Variants in UTS2B observed in about 807,000 individuals in gnomAD.
The protein encoded by UTS2B is urotensin 2B, also known as urotensin-2B.
UTS2B carries 21 observed loss-of-function variants against 19.2 expected under a neutral mutation model. The ratio of observed to expected loss-of-function variants is 1.09; its 90% CI spans 0.78 to 1.58. The LOEUF (loss-of-function observed/expected upper bound fraction) is 1.58. UTS2B is among the 40% of genes most tolerant of loss of function. The pLI is 0.00. For missense variants in UTS2B, 138 were observed against 130.3 expected, an observed-to-expected ratio of 1.06 and a Z score of -0.29; for synonymous variants, 57 against 50.2, an observed-to-expected ratio of 1.14 and a Z score of -0.58.
chr3:191,296,447 T>C (rs1716860583), intron 4 of UTS2B, among the ~76,000 whole-genome samples: 1 of 152,208 alleles, frequency 6.6e-6, no homozygotes, highest in Admixed American at 6.5e-5. Flanking sequence ...AATTACTCTA[T>C]GTTTTTGTAC....
chr3:191,323,975 T>C (rs184160301), intron 2 of UTS2B, among the ~76,000 whole-genome samples: 3 of 152,298 alleles, frequency 2.0e-5, no homozygotes, highest in Admixed American at 2.0e-4. Flanking sequence ...GGCTTGAATG[T>C]TGTGCCTTCC....
At chr3:191,281,649 T>A (rs1298538049) in intron 5 of UTS2B, among the ~76,000 whole-genome samples, 1 of 54,926 alleles carries the variant, frequency 1.8e-5, no homozygotes, top group Non-Finnish European at 5.9e-5. Flanking sequence ...TATCTTGATG[T>A]ATTTTTCATT....
chr3:191,299,290 A>T (rs1716932739), intron 4 of UTS2B, among the ~76,000 whole-genome samples: 1 of 152,204 alleles, frequency 6.6e-6, no homozygotes, highest in African/African-American at 2.4e-5. Context: ...CATTACAGAG[A>T]CCTTTAGGGG....
chr3:191,308,103 G>A (rs948357776), intron 3 of UTS2B, among the ~76,000 whole-genome samples: 2 of 152,094 alleles, frequency 1.3e-5, no homozygotes, highest in Non-Finnish European at 2.9e-5. Flanking sequence ...CAAAGTGCTG[G>A]GATTACAGGC....
intron 1 of UTS2B, chr3:191,329,576 G>T: frequency 1.6e-6 from 2 of 1,279,844 alleles, no homozygotes; most frequent in Non-Finnish European, 2.2e-6. Flanking sequence ...GCCGGACTTT[G>T]CGCCGCGTCC....
chr3:191,333,481 A>C (rs553380903), upstream of UTS2B, among the ~76,000 whole-genome samples: 6 of 152,224 alleles, frequency 3.9e-5, no homozygotes, highest in Non-Finnish European at 7.4e-5. Flanking sequence ...TGAGATGTAC[A>C]TATATCTGGC....
intron 2 of UTS2B, among the ~76,000 whole-genome samples, chr3:191,317,523 G>C (rs1470610231): frequency 6.6e-6 from 1 of 152,232 alleles, no homozygotes; most frequent in East Asian, 1.9e-4. Context: ...CGCTGAGAGC[G>C]AGCGACGGCT....
At chr3:191,302,305 G>A (rs900057278) in intron 4 of UTS2B, among the ~76,000 whole-genome samples, 1 of 152,124 alleles carries the variant, frequency 6.6e-6, no homozygotes, top group African/African-American at 2.4e-5. Flanking sequence ...GAAACCCTCA[G>A]TTCCTCTAAT....
intron 1 of UTS2B, among the ~76,000 whole-genome samples, chr3:191,329,954 G>GA (rs1457908639): frequency 2.7e-4 from 38 of 138,334 alleles, no homozygotes; most frequent in East Asian, 1.4e-3. Flanking sequence ...GGGGGGGGGG[G>GA]GGCTAGCAGC....
intron 4 of UTS2B, among the ~76,000 whole-genome samples, chr3:191,301,611 C>T (rs768744090): frequency 7.9e-5 from 12 of 151,654 alleles, no homozygotes; most frequent in South Asian, 2.1e-4. Flanking sequence ...CTCAACCTCC[C>T]GAGTAGCTGG....
At chr3:191,345,103 A>T in the UTS2B span, among the ~76,000 whole-genome samples, 1 of 152,208 alleles carries the variant, frequency 6.6e-6, no homozygotes, top group Non-Finnish European at 1.5e-5. Flanking sequence ...AGGTTATGGG[A>T]TGTTTCTTGA....
chr3:191,334,236 G>C (rs1048575595), upstream of UTS2B, among the ~76,000 whole-genome samples: 6 of 152,086 alleles, frequency 3.9e-5, no homozygotes, highest in Admixed American at 3.9e-4. Flanking sequence ...AGAATGCATG[G>C]AGTTGTTGAA....
At chr3:191,294,251 C>A (rs1226395063) in intron 4 of UTS2B, among the ~76,000 whole-genome samples, 2 of 151,950 alleles carry the variant, frequency 1.3e-5, no homozygotes, top group African/African-American at 2.4e-5. Flanking sequence ...TATTTAGAAT[C>A]ATTACCTAAG....
Position 191,285,201 on chromosome 3 carries a change from A to C in UTS2B, c.-124-2888T>G, listed in dbSNP as rs143775396. Among the ~76,000 whole-genome samples, 27 of 148,172 alleles carry C rather than the reference A, an allele frequency of 1.8e-4. No homozygotes were observed. In the East Asian group the frequency reaches 4.8e-3, roughly 26 times the overall value. ...GTAAATTGTGACATCAAAAACATAA[A>C]ATATGAGGAGGTTAAGTAAAAGTGT... On this transcript the variant is annotated intron_variant, in intron 4 of 8. Coordinates refer to ENST00000340524, the MANE Select transcript of UTS2B (RefSeq NM_198152.5).
chr3:191,312,433 TG>T (rs1717329597), intron 3 of UTS2B, among the ~76,000 whole-genome samples: 2 of 152,188 alleles, frequency 1.3e-5, no homozygotes, highest in Admixed American at 6.5e-5. Context: ...CTGATTCTGC[TG>T]GCCGTGACAG....
rs1322985188 is a variant in UTS2B at position 191,329,821 on chromosome 3, C to G, written c.-665+593G>C. Reference sequence around the variant, plus strand: ...TTGCCATTTCGGCTCCCGCGGCCCTCGCCCGGTGCCCGCCCTGCGTTGGCC... The same window carrying G: ...TTGCCATTTCGGCTCCCGCGGCCCTGGCCCGGTGCCCGCCCTGCGTTGGCC... On this transcript the variant is annotated intron_variant, in intron 1 of 8. Transcript: ENST00000340524. 1.4e-5 allele frequency: 18 copies of G among 1,264,566 alleles called. No individual in the cohort carries two copies. The East Asian group carries it at 4.3e-4, about 30-fold the overall frequency. 78.3% of individuals were successfully genotyped at this position (1,264,566 alleles called of 1,614,324 possible).
intron 1 of UTS2B, chr3:191,329,795 G>T (rs930051506): frequency 1.2e-5 from 19 of 1,524,158 alleles, no homozygotes; most frequent in Non-Finnish European, 1.6e-5. Flanking sequence ...GGTCAGGGGC[G>T]TTGCCATTTC....
chr3:191,301,576 G>A (rs376018356), intron 4 of UTS2B, among the ~76,000 whole-genome samples: 2 of 139,684 alleles, frequency 1.4e-5, no homozygotes, highest in African/African-American at 2.7e-5. Flanking sequence ...AAGCTCCGCC[G>A]CCTGGGTTCA....
chr3:191,322,428 T>C (rs957869111), intron 2 of UTS2B, among the ~76,000 whole-genome samples: 5 of 152,232 alleles, frequency 3.3e-5, no homozygotes. Flanking sequence ...AAAAGGAGAA[T>C]GAGATTGATC....
Sources: gnomAD v4.1 joint callset for allele counts (sites outside exome capture counted in the v4.1 genomes callset) on GRCh38, gnomAD v4.1.1 for gene constraint, MANE v1.5 for transcripts, NCBI Gene and HGNC (gene_info 2026-07-23, HGNC 2026-07-21) for gene names.